DLGAP1: variants seen among roughly 807,000 people sequenced by gnomAD.
The protein encoded by DLGAP1 is DLG associated protein 1.
DLGAP1 carries 11 observed loss-of-function variants against 90.8 expected under a neutral mutation model. That is an observed-to-expected ratio of 0.12 (90% CI 0.08 to 0.20). The LOEUF (loss-of-function observed/expected upper bound fraction) is 0.20, where lower values mean the gene tolerates loss of function less well. Ranked by LOEUF, DLGAP1 falls within the 10% of genes least tolerant of loss-of-function variation. The pLI, the probability that DLGAP1 is intolerant of heterozygous loss-of-function variation, is 1.00. For missense variants in DLGAP1, 1,050 were observed against 1,333.8 expected, an observed-to-expected ratio of 0.79 and a Z score of 3.31; for synonymous variants, 558 against 540.7, an observed-to-expected ratio of 1.03 and a Z score of -0.44.
intron 1 of DLGAP1, among the ~76,000 whole-genome samples, chr18:4,438,431 CAAAAAAAAAAAAAAAA>C (rs11389361): frequency 1.9e-5 from 1 of 52,108 alleles, no homozygotes; most frequent in African/African-American, 8.5e-5. Flanking sequence ...GACTCCATCT[CAAAAAAAAAAAAAAAA>C]AAAAAAAGAA....
chr18:3,521,051 C>G (rs1357419764), intron 10 of DLGAP1, among the ~76,000 whole-genome samples: 4 of 152,158 alleles, frequency 2.6e-5, no homozygotes, highest in Non-Finnish European at 5.9e-5. Context: ...CCTGAGCTCA[C>G]TTCTCCACTC....
At chr18:4,110,389 A>G (rs950609935) in intron 2 of DLGAP1, among the ~76,000 whole-genome samples, 2 of 152,236 alleles carry the variant, frequency 1.3e-5, no homozygotes, top group African/African-American at 4.8e-5. Context: ...GACTGTCTAT[A>G]TCCTTGGTAA....
chr18:3,796,912 T>C (rs948205052), intron 5 of DLGAP1, among the ~76,000 whole-genome samples: 1 of 152,224 alleles, frequency 6.6e-6, no homozygotes, highest in East Asian at 1.9e-4. Flanking sequence ...GTTTTCCTCC[T>C]GATTCATATG....
At chr18:4,343,798 T>C (rs754580612) in intron 1 of DLGAP1, among the ~76,000 whole-genome samples, 1 of 152,180 alleles carries the variant, frequency 6.6e-6, no homozygotes, top group Non-Finnish European at 1.5e-5. Flanking sequence ...TAAAGTATAA[T>C]AAATTTTTTT....
chr18:3,911,622 C>T (rs1343684320), intron 3 of DLGAP1, among the ~76,000 whole-genome samples: 1 of 152,314 alleles, frequency 6.6e-6, no homozygotes, highest in East Asian at 1.9e-4. Flanking sequence ...AATCACCCAG[C>T]AAGGGCATTA....
intron 1 of DLGAP1, among the ~76,000 whole-genome samples, chr18:4,241,620 A>G (rs2078535537): frequency 6.6e-6 from 1 of 152,220 alleles, no homozygotes; most frequent in African/African-American, 2.4e-5. Flanking sequence ...GAAATAATAT[A>G]CCATCATTCT....
intron 1 of DLGAP1, among the ~76,000 whole-genome samples, chr18:4,164,753 A>G (rs1240050166): frequency 6.6e-6 from 1 of 152,194 alleles, no homozygotes; most frequent in Non-Finnish European, 1.5e-5. Context: ...TCTTGGAACA[A>G]ATGAAAAAAT....
intron 1 of DLGAP1, among the ~76,000 whole-genome samples, chr18:4,157,230 T>C (rs986672559): frequency 1.3e-4 from 20 of 152,320 alleles, no homozygotes; most frequent in African/African-American, 4.8e-4. Context: ...CCCTGTTTTA[T>C]GTAACAAGCA....
chr18:4,286,002 C>CAG (rs1159759795), intron 1 of DLGAP1, among the ~76,000 whole-genome samples: 2 of 152,038 alleles, frequency 1.3e-5, no homozygotes, highest in East Asian at 3.9e-4. Context: ...TTACCCCACT[C>CAG]AGAGAGAGAG....
chr18:3,991,711 A>G (rs2073972223), intron 3 of DLGAP1, among the ~76,000 whole-genome samples: 1 of 152,228 alleles, frequency 6.6e-6, no homozygotes, highest in South Asian at 2.1e-4. Context: ...TCCTGCTTTA[A>G]TATGTTAATA....
intron 4 of DLGAP1, among the ~76,000 whole-genome samples, chr18:3,876,993 G>A (rs1463243496): frequency 3.3e-5 from 5 of 152,118 alleles, no homozygotes; most frequent in African/African-American, 1.2e-4. Context: ...ATTAGAAAGA[G>A]CTTGGTTTTG....
intron 1 of DLGAP1, among the ~76,000 whole-genome samples, chr18:4,435,068 T>G (rs1187038983): frequency 6.6e-6 from 1 of 152,194 alleles, no homozygotes; most frequent in Non-Finnish European, 1.5e-5. Flanking sequence ...ATTTGGGAAC[T>G]TAGCAAAATT....
intron 2 of DLGAP1, among the ~76,000 whole-genome samples, chr18:4,134,071 T>A (rs543588799): frequency 3.2e-4 from 48 of 152,192 alleles, no homozygotes; most frequent in African/African-American, 1.1e-3. Flanking sequence ...ATTATACAAA[T>A]TTATAAAATA....
chr18:4,128,359 T>G (rs893004820), intron 2 of DLGAP1, among the ~76,000 whole-genome samples: 2 of 152,150 alleles, frequency 1.3e-5, no homozygotes, highest in African/African-American at 4.8e-5. Flanking sequence ...CTACATCATT[T>G]TATACAAGAG....
intron 5 of DLGAP1, among the ~76,000 whole-genome samples, chr18:3,794,840 CAT>C (rs1373871926): frequency 9.2e-5 from 14 of 152,210 alleles, no homozygotes; most frequent in Non-Finnish European, 5.9e-5. Context: ...AATCTGATAA[CAT>C]ATGGAGGAGA....
chr18:3,536,622 G>A (rs575159745), intron 9 of DLGAP1, among the ~76,000 whole-genome samples: 2 of 152,268 alleles, frequency 1.3e-5, no homozygotes, highest in South Asian at 2.1e-4. Context: ...AGCCTTGGGC[G>A]CAAACATCAG....
At chr18:3,515,596 T>C (rs1263546216) in intron 10 of DLGAP1, among the ~76,000 whole-genome samples, 3 of 151,282 alleles carry the variant, frequency 2.0e-5, no homozygotes, top group African/African-American at 7.3e-5. Flanking sequence ...CTAGGCAACA[T>C]GGCAAAACCC....
intron 7 of DLGAP1, among the ~76,000 whole-genome samples, chr18:3,585,355 T>G (rs115702622): frequency 0.014 from 2,121 of 152,154 alleles, 63 homozygotes; most frequent in African/African-American, 0.049. Flanking sequence ...CTGCTGGGAG[T>G]AACGCTCATC....
At chr18:3,691,587 G>A (rs1247510268) in intron 7 of DLGAP1, among the ~76,000 whole-genome samples, 2 of 152,074 alleles carry the variant, frequency 1.3e-5, no homozygotes, top group South Asian at 2.1e-4. Context: ...AACAAAAGAA[G>A]TCCTTTATAA....
Sources: allele counts gnomAD v4.1 joint callset (sites outside exome capture counted in the v4.1 genomes callset), GRCh38; gene constraint gnomAD v4.1.1; transcripts MANE v1.5; gene names NCBI Gene and HGNC (gene_info 2026-07-23, HGNC 2026-07-21).